REPS2: variants seen among roughly 807,000 people sequenced by gnomAD.
The protein encoded by REPS2 is RALBP1 associated Eps domain containing 2.
A neutral mutation model predicts 53.6 loss-of-function variants in REPS2; 23 were observed. That is an observed-to-expected ratio of 0.43 (90% CI 0.31 to 0.61). The LOEUF is 0.61. Among genes scored for constraint, REPS2 ranks in the 20% least tolerant of loss-of-function variants. The probability of loss-of-function intolerance (pLI) is 0.11; values close to 1 mark genes in which losing one functional copy is unlikely to be tolerated. For missense variants in REPS2, 446 were observed against 534.9 expected (o/e 0.83, Z 1.64); for synonymous variants, 238 against 218.6 (o/e 1.09, Z -0.78).
chrX:17,010,589 C>T (rs1048068851), intron 2 of REPS2, among the ~76,000 whole-genome samples: 1 of 111,664 alleles, frequency 9.0e-6, no homozygotes, highest in Non-Finnish European at 1.9e-5. Context: ...TGTCTGTCTT[C>T]CTCACTTGTC....
intron 13 of REPS2, among the ~76,000 whole-genome samples, chrX:17,087,700 C>T (rs752447590): frequency 4.5e-5 from 5 of 111,302 alleles, no homozygotes; most frequent in African/African-American, 1.3e-4. Flanking sequence ...CCTGGGAGGC[C>T]GAGGTGGGTG....
At chrX:16,968,380 G>T (rs1360880010) in intron 1 of REPS2, among the ~76,000 whole-genome samples, 13 of 112,950 alleles carry the variant, frequency 1.2e-4, no homozygotes. Context: ...CGGGGTGGTG[G>T]CCGGGCAGAG....
At chrX:17,044,743 C>A (rs1012385681) in intron 5 of REPS2, among the ~76,000 whole-genome samples, 1 of 111,457 alleles carries the variant, frequency 9.0e-6, no homozygotes, top group African/African-American at 3.3e-5. Context: ...ATATCATGGC[C>A]GGTAATCTAA....
At chrX:17,092,287 G>A in intron 13 of REPS2, among the ~76,000 whole-genome samples, 1 of 112,137 alleles carries the variant, frequency 8.9e-6, no homozygotes. Context: ...AAATTTCTAA[G>A]CGTAATGAAA....
chrX:16,989,920 A>G (rs2061141328), intron 1 of REPS2, among the ~76,000 whole-genome samples: 1 of 112,361 alleles, frequency 8.9e-6, no homozygotes, highest in South Asian at 3.7e-4. Context: ...TGACCCAGCA[A>G]TTGCACTCCT....
At chrX:17,060,220 T>C (rs2062139988) in intron 8 of REPS2, among the ~76,000 whole-genome samples, 1 of 110,809 alleles carries the variant, frequency 9.0e-6, no homozygotes, top group African/African-American at 3.3e-5. Flanking sequence ...GGAGAATTGC[T>C]TGAACCTGGG....
chrX:17,076,054 A>G (rs754328522), intron 12 of REPS2, among the ~76,000 whole-genome samples: 14 of 112,142 alleles, frequency 1.2e-4, no homozygotes, highest in African/African-American at 3.9e-4. Context: ...GTCACATGCC[A>G]TTATGGTGGC....
chrX:17,084,678 G>C (rs1049304203), intron 13 of REPS2, among the ~76,000 whole-genome samples: 1 of 111,959 alleles, frequency 8.9e-6, no homozygotes, highest in East Asian at 2.8e-4. Flanking sequence ...GTACTTATTG[G>C]TCATATTTAT....
intron 13 of REPS2, among the ~76,000 whole-genome samples, chrX:17,087,347 A>G (rs1446642410): frequency 1.8e-5 from 2 of 112,103 alleles, no homozygotes; most frequent in Non-Finnish European, 3.8e-5. Flanking sequence ...TAAGGGACAC[A>G]GTACTGTGGC....
At chrX:17,100,869 A>T (rs1014272297) in intron 13 of REPS2, among the ~76,000 whole-genome samples, 2 of 110,882 alleles carry the variant, frequency 1.8e-5, no homozygotes, top group Admixed American at 1.9e-4. Flanking sequence ...GCTTGAGCCC[A>T]GGAGTTTGAG....
intron 1 of REPS2, among the ~76,000 whole-genome samples, chrX:16,994,917 C>A (rs768229817): frequency 1.6e-4 from 18 of 112,143 alleles, no homozygotes; most frequent in African/African-American, 5.8e-4. Flanking sequence ...GAGAATCTGA[C>A]ACTTTTAGCT....
At chrX:17,141,735 A>G (rs1297619198) in intron 17 of REPS2, among the ~76,000 whole-genome samples, 1 of 112,382 alleles carries the variant, frequency 8.9e-6, no homozygotes, top group Non-Finnish European at 1.9e-5. Context: ...AGTTTTTATC[A>G]TCTCCTTGCT....
Position 17,012,614 on chromosome X carries a change from G to A in REPS2, c.397+6270G>A, listed in dbSNP as rs138796459. On this transcript the variant is annotated intron_variant, in intron 2 of 17. Transcript: ENST00000357277. ...TTCACTAGTCCCTTTGGGAGCCTGTGAACTCTGATGGTGCAATGACATGAT... is the reference window on the plus strand; with the variant it reads ...TTCACTAGTCCCTTTGGGAGCCTGTAAACTCTGATGGTGCAATGACATGAT... Among the ~76,000 whole-genome samples, 610 of 110,343 alleles carry A rather than the reference G, an allele frequency of 5.5e-3. 2 individuals are homozygous for A. The highest frequency in any genetic ancestry group is 0.019 in the African/African-American group (588 of 30,290).
At chrX:17,099,588 C>T (rs757422786) in intron 13 of REPS2, among the ~76,000 whole-genome samples, 8 of 111,542 alleles carry the variant, frequency 7.2e-5, no homozygotes, top group South Asian at 3.8e-4. Context: ...TCCACTGGGA[C>T]GGGTGTGCAA....
chrX:17,019,124 A>ATC (rs1338205307), intron 2 of REPS2, among the ~76,000 whole-genome samples: 9 of 112,096 alleles, frequency 8.0e-5, no homozygotes, highest in African/African-American at 2.9e-4. Context: ...TTCCTAATAT[A>ATC]TCTGTATCTC....
At chrX:17,189,062 A>G in the REPS2 span, among the ~76,000 whole-genome samples, 1 of 111,621 alleles carries the variant, frequency 9.0e-6, no homozygotes, top group East Asian at 2.8e-4. Context: ...TAATTCCAGG[A>G]TATCTTTTTA....
Position 17,151,229 on chromosome X carries a change from C to T in REPS2, c.*3748C>T. The T allele has an allele frequency of 8.9e-6, 1 of 112,195 alleles. No homozygotes were observed. Among genetic ancestry groups the T allele is most frequent in the Non-Finnish European group, 1.9e-5 (1 of 53,195 alleles). The allele number at this position is 112,195 out of a possible 1,213,427, so 9.2% of individuals were successfully genotyped here. The stretch of plus-strand genomic sequence containing the variant: ...TTTAGTTACTTGGGTCACAAATGTT[C>T]AATTTCAGCATATTTTAGGGTGAGT... On this transcript the variant is annotated 3_prime_UTR_variant, in exon 18 of 18. Transcript: ENST00000357277.
At chrX:17,114,251 T>G (rs1214152332) in intron 14 of REPS2, among the ~76,000 whole-genome samples, 3 of 112,482 alleles carry the variant, frequency 2.7e-5, no homozygotes, top group Admixed American at 9.4e-5. Context: ...AGCTGCTTAG[T>G]GAATTTCTAC....
chrX:17,017,637 G>A lies in REPS2; in HGVS notation c.398-4486G>A, dbSNP rs181245679. Among the ~76,000 whole-genome samples the A allele has an allele frequency of 4.3e-3, 484 of 111,269 alleles. 7 individuals are homozygous for A. Among genetic ancestry groups the A allele is most frequent in the African/African-American group, 0.015 (472 of 30,649 alleles). On this transcript the variant is annotated intron_variant, in intron 2 of 17. Coordinates refer to ENST00000357277, the MANE Select transcript of REPS2 (RefSeq NM_004726.3). ...TCCCTATAAATCATCCCACCATACA[G>A]AATACTCTTTACATAATTTAAAAAG...
Sources: gnomAD v4.1 joint callset for allele counts (sites outside exome capture counted in the v4.1 genomes callset) on GRCh38, gnomAD v4.1.1 for gene constraint, MANE v1.5 for transcripts, NCBI Gene and HGNC (gene_info 2026-07-23, HGNC 2026-07-21) for gene names.